FGD6: variants seen among roughly 807,000 people sequenced by gnomAD.
FGD6 encodes the protein FYVE, RhoGEF and PH domain containing 6, also known as FYVE, RhoGEF and PH domain-containing protein 6.
FGD6 carries 90 observed loss-of-function variants against 149.4 expected under a neutral mutation model. That is an observed-to-expected ratio of 0.60 (90% CI 0.51 to 0.72). FGD6 has a LOEUF of 0.72. Among genes scored for constraint, FGD6 ranks in the 30% least tolerant of loss-of-function variants. The pLI, the probability that FGD6 is intolerant of heterozygous loss-of-function variation, is 0.00. For missense variants in FGD6, 1,437 were observed against 1,684.8 expected (o/e 0.85, Z 2.57); for synonymous variants, 527 against 584.0 (o/e 0.90, Z 1.41).
chr12:95,102,136 A>G lies in FGD6; in HGVS notation c.3497+2871T>C, dbSNP rs1364855215. Among the ~76,000 whole-genome samples the G allele has an allele frequency of 2.0e-5, 3 of 151,348 alleles. No homozygotes were observed. In the East Asian group the frequency reaches 5.9e-4, roughly 30 times the overall value. ...AGCCTGGCCAATATGGTGAAAGGTC[A>G]TCTCTATCTTAAAATTAAAAAAGAT... On this transcript the variant is annotated intron_variant, in intron 14 of 20. Coordinates refer to ENST00000343958, the MANE Select transcript of FGD6 (RefSeq NM_018351.4).
chr12:95,107,238 G>A (rs539947999), intron 12 of FGD6, among the ~76,000 whole-genome samples: 3 of 152,168 alleles, frequency 2.0e-5, no homozygotes, highest in African/African-American at 7.2e-5. Context: ...TCTGGAAAAC[G>A]TGCTTTATTT....
intron 8 of FGD6, chr12:95,116,993 C>G (rs1309640653): frequency 2.5e-5 from 11 of 447,184 alleles, no homozygotes; most frequent in Non-Finnish European, 4.9e-5. Context: ...CAGGTGAAAC[C>G]CAGGAAAGGA....
chr12:95,108,356 G>T lies in FGD6; in HGVS notation c.3256C>A (p.Pro1086Thr), dbSNP rs1878701946. ...SLNGHHEIVQ[P>T]GRVFLKEGIL... ...CAATGTAAAATGCTTACCCGACCAG[G>T]CTGCACAATTTCATGGTGTCCATTT... Residue 1086 changes from proline (P) to threonine (T), a missense_variant, in exon 11 of 21, where the codon CCT becomes ACT. Physicochemically the swap from Pro to Thr is conservative, Grantham distance 38. Around this residue, in one of 2 missense-constraint regions of FGD6, gnomAD observed 382 missense variants for 538.7 expected, o/e 0.71. Transcript: ENST00000343958. The T allele has an allele frequency of 2.5e-6, 4 of 1,613,762 alleles. No individual in the cohort carries two copies. Among genetic ancestry groups the T allele is most frequent in the Non-Finnish European group, 3.4e-6 (4 of 1,179,922 alleles).
chr12:95,116,584 A>G (rs7977572), intron 8 of FGD6, among the ~76,000 whole-genome samples: 95,969 of 152,082 alleles, frequency 0.63, 30,533 homozygotes, highest in East Asian at 0.68. Context: ...GTACTCAAAC[A>G]TGAACTTTTA....
chr12:95,132,624 C>CTGGGT (rs1879555079), intron 8 of FGD6, among the ~76,000 whole-genome samples: 1 of 151,876 alleles, frequency 6.6e-6, no homozygotes, highest in Admixed American at 6.6e-5. Flanking sequence ...TGGTGGCATA[C>CTGGGT]GCCTGTAGTC....
intron 2 of FGD6, among the ~76,000 whole-genome samples, chr12:95,190,149 C>T (rs1248628230): frequency 6.6e-6 from 1 of 152,126 alleles, no homozygotes; most frequent in Non-Finnish European, 1.5e-5. Context: ...ATCTGTTGTA[C>T]AGTAGGAATA....
At chr12:95,158,365 C>T (rs189688084) in intron 3 of FGD6, among the ~76,000 whole-genome samples, 16 of 147,942 alleles carry the variant, frequency 1.1e-4, no homozygotes, top group African/African-American at 3.7e-4. Flanking sequence ...TTAGTAGAGA[C>T]GGGGTTTCAC....
At chr12:95,206,414 G>A (rs1296488690) in intron 2 of FGD6, among the ~76,000 whole-genome samples, 1 of 152,168 alleles carries the variant, frequency 6.6e-6, no homozygotes, top group Non-Finnish European at 1.5e-5. Context: ...ACCGGTAGTG[G>A]TGGCTCATGC....
At chr12:95,132,750 CAAAT>C (rs935609804) in intron 8 of FGD6, among the ~76,000 whole-genome samples, 8 of 151,742 alleles carry the variant, frequency 5.3e-5, no homozygotes, top group South Asian at 4.2e-4. Context: ...GATTCCGTCT[CAAAT>C]AAATAAATAA....
chr12:95,094,696 T>G lies in FGD6; in HGVS notation c.3498-2A>C, dbSNP rs1445311647. On this transcript the variant is annotated splice_acceptor_variant, in intron 14 of 20. Transcript: ENST00000343958. LOFTEE classifies it high-confidence loss of function. ...CATTCATCCCTTTCTGTGGCAGAACTGTTGGGGGCAAAAGGTTTCATCAAC... is the reference window on the plus strand; with the variant it reads ...CATTCATCCCTTTCTGTGGCAGAACGGTTGGGGGCAAAAGGTTTCATCAAC... The G allele has an allele frequency of 1.9e-6, 3 of 1,607,428 alleles. No homozygotes were observed. The highest frequency in any genetic ancestry group is 2.6e-6 in the Non-Finnish European group (3 of 1,175,606).
At chr12:95,197,930 C>A (rs568676814) in intron 2 of FGD6, among the ~76,000 whole-genome samples, 1 of 152,272 alleles carries the variant, frequency 6.6e-6, no homozygotes, top group East Asian at 1.9e-4. Context: ...CTTTGAAACA[C>A]CTATTACCTA....
At chr12:95,188,019 C>T (rs1881492622) in intron 2 of FGD6, among the ~76,000 whole-genome samples, 1 of 152,138 alleles carries the variant, frequency 6.6e-6, no homozygotes, top group Non-Finnish European at 1.5e-5. Flanking sequence ...CTGGCTTTGT[C>T]CCTCTTTGCT....
rs752396865 is a variant in FGD6, at chr12:95,152,859, G to GA, written c.2655-19dup. The GA allele has an allele frequency of 1.9e-6, 3 of 1,613,452 alleles. No homozygotes were observed. The highest frequency in any genetic ancestry group is 1.7e-5 in the Admixed American group (1 of 59,968). ...CCACAAACCTGTAAAAAACAACAAT[G>GA]AAAAAAATGTTTTAAATGTGCCAAT... is the stretch of plus-strand genomic sequence containing the variant. On this transcript the variant is annotated intron_variant, in intron 4 of 20. Coordinates refer to ENST00000343958, the MANE Select transcript of FGD6 (RefSeq NM_018351.4).
intron 2 of FGD6, among the ~76,000 whole-genome samples, chr12:95,189,032 A>G (rs1278636939): frequency 2.0e-5 from 3 of 152,226 alleles, no homozygotes; most frequent in Non-Finnish European, 4.4e-5. Flanking sequence ...TCTGAAAATA[A>G]TAAATTCCCT....
At position 95,215,878 on chromosome 12, in the gene FGD6, G is replaced by C. The variant is rs566201546; in HGVS notation, c.16+1347C>G. 3.3e-5 allele frequency among the ~76,000 whole-genome samples: 5 copies of C among 152,292 alleles called. No individual in the cohort carries two copies. The East Asian group carries it at 9.6e-4, about 29-fold the overall frequency. Reference sequence around the variant, plus strand: ...ACATTTGACACCTCCAAAAAGGAAAGAGCTAAAACTGGCTGGAAGGATTTT... The same window carrying C: ...ACATTTGACACCTCCAAAAAGGAAACAGCTAAAACTGGCTGGAAGGATTTT... On this transcript the variant is annotated intron_variant, in intron 1 of 20. Coordinates refer to ENST00000343958, the MANE Select transcript of FGD6 (RefSeq NM_018351.4).
At chr12:95,173,075 G>A (rs1881038499) in intron 2 of FGD6, among the ~76,000 whole-genome samples, 1 of 152,174 alleles carries the variant, frequency 6.6e-6, no homozygotes. Context: ...CAGAAAGTGA[G>A]CTGGTTTACC....
chr12:95,149,510 TTA>T (rs972355173), intron 5 of FGD6, among the ~76,000 whole-genome samples: 57 of 137,492 alleles, frequency 4.1e-4, no homozygotes, highest in African/African-American at 1.3e-3. Context: ...ATATAGTATA[TTA>T]TATATAGTTT....
At chr12:95,115,420 G>A (rs1420471408) in intron 8 of FGD6, among the ~76,000 whole-genome samples, 2 of 90,410 alleles carry the variant, frequency 2.2e-5, no homozygotes, top group Admixed American at 1.3e-4. Context: ...TTTTTTTGCA[G>A]AGGCAGGGTC....
Position 95,186,228 on chromosome 12 carries a change from C to CTTTTT in FGD6, c.2442-13489_2442-13485dup, listed in dbSNP as rs1174763781. ...TAAGAATGCTTCTTATATTCTTCTT[C>CTTTTT]TTTTTTTTTTTTTTTTTTTTTTTTT... is the stretch of plus-strand genomic sequence containing the variant. On this transcript the variant is annotated intron_variant, in intron 2 of 20. Coordinates refer to ENST00000343958, the MANE Select transcript of FGD6 (RefSeq NM_018351.4). 6.9e-4 allele frequency among the ~76,000 whole-genome samples: 27 copies of CTTTTT among 38,908 alleles called. 1 individual carries two copies. The highest frequency in any genetic ancestry group is 1.4e-3 in the East Asian group (2 of 1,428). The allele number at this position is 38,908 out of a possible 152,430, so 25.5% of individuals were successfully genotyped here.
Sources: gnomAD v4.1 joint callset for allele counts (sites outside exome capture counted in the v4.1 genomes callset) on GRCh38, gnomAD v4.1.1 for gene constraint, gnomAD v4.1.1 regional missense constraint, MANE v1.5 for transcripts, NCBI Gene and HGNC (gene_info 2026-07-23, HGNC 2026-07-21) for gene names.